GLB1L2: variants seen among roughly 807,000 people sequenced by gnomAD.
GLB1L2 encodes beta-galactosidase-1-like protein 2.
In GLB1L2, 68 loss-of-function variants were observed where a neutral mutation model predicts 84.1. The ratio of observed to expected loss-of-function variants is 0.81; its 90% CI spans 0.67 to 0.99. GLB1L2 has a LOEUF of 0.99. Ranked by LOEUF, GLB1L2 falls within the 50% of genes least tolerant of loss-of-function variation. GLB1L2 has a pLI of 0.00. For missense variants in GLB1L2, 762 were observed against 805.6 expected (o/e 0.95, Z 0.66); for synonymous variants, 290 against 318.0 (o/e 0.91, Z 0.94).
rs367932049 is a variant in GLB1L2 at position 134,370,242 on chromosome 11, A to G, written c.1109-51A>G. On this transcript the variant is annotated intron_variant, in intron 11 of 18. Transcript: ENST00000535456. This position sits in a 1 kb window ranked among gnomAD's most constrained non-coding sequence, Gnocchi z 4.7. ...TGGGAGCCGGGTGGGGAGGACGAGC[A>G]GGCAGTGACATTTGGGTCCGTTGGG... 7 of 1,471,324 alleles carry G rather than the reference A, an allele frequency of 4.8e-6. No individual in the cohort carries two copies. In the African/African-American group the frequency reaches 9.7e-5, roughly 20 times the overall value. The allele number at this position is 1,471,324 out of a possible 1,614,324, so 91.1% of individuals were successfully genotyped here.
chr11:134,374,336 G>A (rs1943997040), intron 17 of GLB1L2, 80 bp downstream of exon 17: 2 of 1,181,662 alleles, frequency 1.7e-6, no homozygotes, highest in East Asian at 2.3e-5. Context: ...CCACGAGCTT[G>A]GCGAGAGTCG....
chr11:134,363,509 C>A (rs1032012040), intron 7 of GLB1L2, among the ~76,000 whole-genome samples: 9 of 152,200 alleles, frequency 5.9e-5, no homozygotes, highest in Non-Finnish European at 1.0e-4. Flanking sequence ...CGTGGGCATG[C>A]CCGGGTGTCA....
chr11:134,369,807 T>C lies in GLB1L2; in HGVS notation c.1030T>C (p.Tyr344His). ...DYKSDVTSYD[Y>H]DAVLTEAGDY... ...TGACAGGGCCCGGTGTCTTGCAGACTATGATGCTGTGCTGACAGAAGCCGG... is the reference window on the plus strand; with the variant it reads ...TGACAGGGCCCGGTGTCTTGCAGACCATGATGCTGTGCTGACAGAAGCCGG... The change falls in exon 11 of 19, where the codon TAT (tyrosine) becomes CAT (histidine). Residue 344 changes from tyrosine to histidine, a missense_variant and splice_region_variant. Tyr to His is a moderately conservative substitution (Grantham distance 83). Transcript: ENST00000535456. 6.2e-7 allele frequency: 1 copy of C among 1,612,360 alleles called. No homozygotes were observed. Among genetic ancestry groups the C allele is most frequent in the Non-Finnish European group, 8.5e-7 (1 of 1,178,508 alleles).
chr11:134,354,817 T>C (rs1421735741), intron 5 of GLB1L2, among the ~76,000 whole-genome samples: 1 of 152,220 alleles, frequency 6.6e-6, no homozygotes, highest in Non-Finnish European at 1.5e-5. Flanking sequence ...GGTTTGATTA[T>C]AGAGTGTCCC....
At chr11:134,369,720 C>A in intron 10 of GLB1L2, 85 bp from the exon 11 acceptor site, 2 of 1,181,820 alleles carry the variant, frequency 1.7e-6, no homozygotes, top group South Asian at 1.4e-5. Context: ...AGACCTGTGG[C>A]CCTTCCAAGC....
intron 5 of GLB1L2, among the ~76,000 whole-genome samples, chr11:134,350,368 G>A (rs974660236): frequency 3.9e-5 from 6 of 152,192 alleles, no homozygotes; most frequent in African/African-American, 1.4e-4. Flanking sequence ...TGCTGGCTGA[G>A]CTCAGCATGG....
Position 134,370,218 on chromosome 11 carries a change from G to A in GLB1L2, c.1109-75G>A. The A allele has an allele frequency of 1.6e-6, 2 of 1,239,328 alleles. No individual in the cohort carries two copies. The highest frequency in any genetic ancestry group is 3.4e-5 in the Admixed American group (2 of 59,094). 76.8% of individuals were successfully genotyped at this position (1,239,328 alleles called of 1,614,324 possible). A position where few individuals can be genotyped will look rare whatever the true frequency, so the allele number is the denominator to read the frequency against. On this transcript the variant is annotated intron_variant, in intron 11 of 18. Transcript: ENST00000535456. This position sits in a 1 kb window ranked among gnomAD's most constrained non-coding sequence, Gnocchi z 4.7. The stretch of plus-strand genomic sequence containing the variant: ...GCAGGAGCACATCGGGTCTGTGGAT[G>A]GGAGCCGGGTGGGGAGGACGAGCAG...
At chr11:134,346,827 C>T (rs576652241) in intron 4 of GLB1L2, 8 of 161,500 alleles carry the variant, frequency 5.0e-5, no homozygotes, top group Admixed American at 1.7e-4. Context: ...CTGGGCTGTG[C>T]GCCACTGATG....
At chr11:134,353,196 G>T (rs570856275) in intron 5 of GLB1L2, among the ~76,000 whole-genome samples, 18 of 152,140 alleles carry the variant, frequency 1.2e-4, no homozygotes, top group South Asian at 6.2e-4. Flanking sequence ...AACACTTGAG[G>T]TCGGGAGTTA....
At chr11:134,367,726 A>G (rs2119297) in intron 9 of GLB1L2, among the ~76,000 whole-genome samples, 113,272 of 152,112 alleles carry the variant, frequency 0.74, 42,367 homozygotes, top group East Asian at 0.93. Context: ...GACAGATGCC[A>G]TCACACTCCG....
chr11:134,368,047 G>A (rs1943889389), intron 9 of GLB1L2, among the ~76,000 whole-genome samples: 1 of 152,236 alleles, frequency 6.6e-6, no homozygotes, highest in Non-Finnish European at 1.5e-5. Flanking sequence ...GGCAGCTTCA[G>A]CCGCTGCTGC....
rs183726433 is a variant in GLB1L2 at position 134,345,686 on chromosome 11, G to C, written c.449+557G>C. Among the ~76,000 whole-genome samples, 68 of 152,274 alleles carry C rather than the reference G, an allele frequency of 4.5e-4. 2 individuals carry two copies. In the East Asian group the frequency reaches 0.012, roughly 26 times the overall value. ...GGGTTTCACCATGTTGGCTAGGCTG[G>C]TCTGGAACTCCTGACCTTGTGATCT... On this transcript the variant is annotated intron_variant, in intron 4 of 18. Transcript: ENST00000535456.
intron 3 of GLB1L2, 115 bp downstream of exon 3, chr11:134,344,570 C>T: frequency 8.5e-7 from 1 of 1,180,870 alleles, no homozygotes; most frequent in Non-Finnish European, 1.3e-6. Flanking sequence ...GAGTCCTGTT[C>T]TAGGACTGTG....
rs759134482 is a variant in GLB1L2 at position 134,367,342 on chromosome 11, G to A, written c.889+1G>A. 6.2e-7 allele frequency: 1 copy of A among 1,613,106 alleles called. No individual in the cohort carries two copies. Among genetic ancestry groups the A allele is most frequent in the African/African-American group, 1.3e-5 (1 of 75,032 alleles). On this transcript the variant is annotated splice_donor_variant, in intron 9 of 18. Coordinates refer to ENST00000535456, the MANE Select transcript of GLB1L2 (RefSeq NM_001370461.1). LOFTEE classifies it high-confidence loss of function. Reference sequence around the variant, plus strand: ...CCTCACAATATCTTGGATTCTTCTGGTGAGTGCTTGCGGTGACTACATCCA... The same window carrying A: ...CCTCACAATATCTTGGATTCTTCTGATGAGTGCTTGCGGTGACTACATCCA...
At chr11:134,367,489 G>A (rs1943881365) in intron 9 of GLB1L2, 148 bp downstream of exon 9, 3 of 631,510 alleles carry the variant, frequency 4.8e-6, no homozygotes, top group South Asian at 2.1e-5. Flanking sequence ...ATATTCCTGA[G>A]TCATTTGTCT....
Position 134,371,097 on chromosome 11 carries a change from C to T in GLB1L2, c.1305C>T (p.Thr435=). 1 of 1,614,176 alleles carries T rather than the reference C, an allele frequency of 6.2e-7. No homozygotes were observed. The highest frequency in any genetic ancestry group is 1.6e-4 in the Middle Eastern group (1 of 6,062). Residue 435 remains threonine, a synonymous_variant, in exon 13 of 19, where the codon ACC becomes ACT. Transcript: ENST00000535456. ...CCTTCGGGTACATTCTCTATGAGAC[C>T]AGCATCACCTCGTCTGGCATCCTCA... ...GQSFGYILYE[T]SITSSGILSG...
At position 134,375,028 on chromosome 11, in the gene GLB1L2, C is replaced by T; in HGVS notation, c.1881C>T (p.Pro627=). 1.2e-6 allele frequency: 2 copies of T among 1,613,916 alleles called. No individual in the cohort carries two copies. The highest frequency in any genetic ancestry group is 1.7e-6 in the Non-Finnish European group (2 of 1,179,974). Residue 627 remains proline, a synonymous_variant, in exon 19 of 19, where the codon CCC becomes CCT. Coordinates refer to ENST00000535456, the MANE Select transcript of GLB1L2 (RefSeq NM_001370461.1). Reference sequence around the variant, plus strand: ...CTGCATTACAGTTCACGGAAACCCCCCACCTGGGCAGGAACCAGTACATTA... The same window carrying T: ...CTGCATTACAGTTCACGGAAACCCCTCACCTGGGCAGGAACCAGTACATTA... The part of the protein sequence containing the change: ...AGPALQFTET[P]HLGRNQYIK
At position 134,370,337 on chromosome 11, in the gene GLB1L2, T is replaced by C; in HGVS notation, c.1153T>C (p.Tyr385His). ...ACCTGACCTTCTTCCCAAGATGCCG[T>C]ATGAGCCCTTAACGCCAGTCTTGTA... ...PPPDLLPKMP[Y>H]EPLTPVLYLS... The change falls in exon 12 of 19, where the codon TAT becomes CAT. Residue 385 changes from tyrosine (Y) to histidine (H), a missense_variant. Tyr to His is a moderately conservative substitution (Grantham distance 83, BLOSUM62 2). Around this residue, in one of 3 missense-constraint regions of GLB1L2, gnomAD observed 603 missense variants for 611.7 expected, o/e 0.99. Transcript: ENST00000535456. This position sits in a 1 kb window ranked among gnomAD's most constrained non-coding sequence, Gnocchi z 4.7. 1 of 1,613,852 alleles carries C rather than the reference T, an allele frequency of 6.2e-7. No individual in the cohort carries two copies. The highest frequency in any genetic ancestry group is 8.5e-7 in the Non-Finnish European group (1 of 1,179,988).
At position 134,347,961 on chromosome 11, in the gene GLB1L2, C is replaced by T. The variant is rs147654335; in HGVS notation, c.558+528C>T. Reference sequence around the variant, plus strand: ...CCAAAAAGGTGCTGCATGGTACACACTTACTATTCAAAACATGCGTTAAAG... The same window carrying T: ...CCAAAAAGGTGCTGCATGGTACACATTTACTATTCAAAACATGCGTTAAAG... On this transcript the variant is annotated intron_variant, in intron 5 of 18. Transcript: ENST00000535456. 2.2e-3 allele frequency among the ~76,000 whole-genome samples: 332 copies of T among 152,240 alleles called. 1 individual carries two copies. The highest frequency in any genetic ancestry group is 7.4e-3 in the African/African-American group (306 of 41,530).
Sources: allele counts gnomAD v4.1 joint callset (sites outside exome capture counted in the v4.1 genomes callset), GRCh38; gene constraint gnomAD v4.1.1; regional missense constraint gnomAD v4.1.1; non-coding constraint Gnocchi (gnomAD v3.1); transcripts MANE v1.5; gene names NCBI Gene and HGNC (gene_info 2026-07-23, HGNC 2026-07-21).